MOB1A: variants seen among roughly 807,000 people sequenced by gnomAD.
The protein encoded by MOB1A is MOB1 Mps One Binder homolog A.
In MOB1A, 10 loss-of-function variants were observed where a neutral mutation model predicts 25.1. That is an observed-to-expected ratio of 0.40 (90% CI 0.25 to 0.68). The LOEUF is 0.68. MOB1A is among the 30% of genes least tolerant of loss of function. The pLI is 0.40. For missense variants in MOB1A, 177 were observed against 256.3 expected (o/e 0.69, Z 2.11); for synonymous variants, 81 against 79.5 (o/e 1.02, Z -0.10).
intron 2 of MOB1A, among the ~76,000 whole-genome samples, chr2:74,171,708 G>A (rs1693298426): frequency 1.3e-5 from 2 of 152,278 alleles, no homozygotes; most frequent in African/African-American, 4.8e-5. Flanking sequence ...TTCAAGACCA[G>A]CCTGGGCAAC....
chr2:74,167,461 G>C (rs1286169227), intron 2 of MOB1A, among the ~76,000 whole-genome samples: 1 of 152,148 alleles, frequency 6.6e-6, no homozygotes, highest in African/African-American at 2.4e-5. Flanking sequence ...ATGTTGGCCA[G>C]GCTGGTCTTG....
chr2:74,158,610 C>G (rs575313290), intron 5 of MOB1A, among the ~76,000 whole-genome samples: 2 of 152,064 alleles, frequency 1.3e-5, no homozygotes, highest in East Asian at 1.9e-4. Context: ...GAAACCCCGT[C>G]TCTACTAAAA....
chr2:74,174,509 G>A (rs566082821), intron 1 of MOB1A, among the ~76,000 whole-genome samples: 6 of 152,168 alleles, frequency 3.9e-5, no homozygotes, highest in African/African-American at 1.2e-4. Context: ...TATTTGAGAC[G>A]CCTTGAAAGC....
chr2:74,165,254 G>T lies in MOB1A; in HGVS notation c.373C>A (p.Gln125Lys). Residue 125 changes from glutamine to lysine, a missense_variant, in exon 4 of 6, where the codon CAG becomes AAG. By Grantham distance (53) the Gln-to-Lys change is moderately conservative. Transcript: ENST00000396049. ...IDYLMTWVQDQLDDETLFPSK... is the reference protein window; with the variant it reads ...IDYLMTWVQDKLDDETLFPSK... ...GGAAAAAGAGTTTCATCATCAAGCT[G>T]ATCTTGAACCCAAGTCATCAAATAG... 6.4e-7 allele frequency: 1 copy of T among 1,567,084 alleles called. No homozygotes were observed.
intron 2 of MOB1A, 71 bp downstream of exon 2, chr2:74,172,514 AG>A: frequency 7.0e-7 from 1 of 1,438,496 alleles, no homozygotes; most frequent in Non-Finnish European, 9.5e-7. Context: ...TAACTGTAAA[AG>A]AAAATTCATT....
chr2:74,159,346 C>G (rs2103693500), intron 4 of MOB1A, 92 bp from the exon 5 acceptor site: 1 of 1,160,876 alleles, frequency 8.6e-7, no homozygotes, highest in East Asian at 2.5e-5. Context: ...GTCACTCAGG[C>G]AGTGGTGCAA....
chr2:74,178,861 C>T lies in MOB1A; in HGVS notation c.-187G>A, dbSNP rs1056433633. 1.0e-5 allele frequency: 4 copies of T among 388,786 alleles called. No individual in the cohort carries two copies. Among genetic ancestry groups the T allele is most frequent in the Non-Finnish European group, 1.8e-5 (4 of 221,272 alleles). The allele number at this position is 388,786 out of a possible 1,614,324, so 24.1% of individuals were successfully genotyped here. A position where few individuals can be genotyped will look rare whatever the true frequency, so the allele number is the denominator to read the frequency against. ...CGGCGCCCGCCTTGCCCGCCTACCC[C>T]ACCTCGCAGACCCGAAATGCGGAAC... On this transcript the variant is annotated 5_prime_UTR_variant, in exon 1 of 6. Coordinates refer to ENST00000396049, the MANE Select transcript of MOB1A (RefSeq NM_018221.5).
intron 3 of MOB1A, among the ~76,000 whole-genome samples, chr2:74,165,820 G>C (rs1693114656): frequency 6.6e-6 from 1 of 152,194 alleles, no homozygotes; most frequent in Admixed American, 6.6e-5. Context: ...TGCCGAGCTA[G>C]AAGGATTAAC....
chr2:74,173,181 G>C (rs370667015), intron 1 of MOB1A: 9 of 517,768 alleles, frequency 1.7e-5, no homozygotes, highest in Non-Finnish European at 2.3e-5. Context: ...ATAGGAAGAT[G>C]ATGATCACAA....
chr2:74,158,332 C>T (rs958518034), intron 5 of MOB1A, among the ~76,000 whole-genome samples: 1 of 151,942 alleles, frequency 6.6e-6, no homozygotes, highest in African/African-American at 2.4e-5. Context: ...CTATAATACA[C>T]AGTATCTACT....
chr2:74,163,401 C>A (rs1297194680), intron 4 of MOB1A, among the ~76,000 whole-genome samples: 1 of 152,096 alleles, frequency 6.6e-6, no homozygotes, highest in Non-Finnish European at 1.5e-5. Context: ...TTTTGGAAGG[C>A]CAAGGAAGGA....
Position 74,178,826 on chromosome 2 carries a change from T to A in MOB1A, c.-152A>T. 1 of 442,266 alleles carries A rather than the reference T, an allele frequency of 2.3e-6. No individual in the cohort carries two copies. The highest frequency in any genetic ancestry group is 3.7e-6 in the Non-Finnish European group (1 of 267,408). The allele number at this position is 442,266 out of a possible 1,614,324, so 27.4% of individuals were successfully genotyped here. ...CCGGGTTTCTGGCCGCTGCGAGCCT[T>A]TGCAAACCTCGGCGCCCGCCTTGCC... On this transcript the variant is annotated 5_prime_UTR_variant, in exon 1 of 6. Transcript: ENST00000396049.
At chr2:74,173,996 C>T (rs1293557698) in intron 1 of MOB1A, among the ~76,000 whole-genome samples, 14 of 144,444 alleles carry the variant, frequency 9.7e-5, no homozygotes, top group African/African-American at 3.4e-4. Context: ...TGGCTAGGTG[C>T]GGTGGCTCAC....
At chr2:74,173,013 G>C (rs1466406719) in intron 1 of MOB1A, among the ~76,000 whole-genome samples, 1 of 152,110 alleles carries the variant, frequency 6.6e-6, no homozygotes, top group Non-Finnish European at 1.5e-5. Flanking sequence ...GCGCACACCT[G>C]TAGTCCCAGC....
intron 4 of MOB1A, among the ~76,000 whole-genome samples, chr2:74,163,313 T>A (rs1321539156): frequency 6.6e-6 from 1 of 151,830 alleles, no homozygotes; most frequent in Non-Finnish European, 1.5e-5. Context: ...AGAAAAAGAG[T>A]CTGATGGTTA....
rs35382378 is a variant in MOB1A, at chr2:74,173,376, G to GTTTTT, written c.15-629_15-625dup. Reference sequence around the variant, plus strand: ...GAACCTTCTTTTGGCCTCAATTTCGGTTTTTTTTTTTTTTTTTTTTTTGAG... The same window carrying GTTTTT: ...GAACCTTCTTTTGGCCTCAATTTCGGTTTTTTTTTTTTTTTTTTTTTTTTTTTGAG... On this transcript the variant is annotated intron_variant, in intron 1 of 5. Transcript: ENST00000396049. Among the ~76,000 whole-genome samples, 27 of 93,326 alleles carry GTTTTT rather than the reference G, an allele frequency of 2.9e-4. 1 individual carries two copies. The highest frequency in any genetic ancestry group is 7.6e-4 in the Admixed American group (6 of 7,876). 61.2% of individuals were successfully genotyped at this position (93,326 alleles called of 152,430 possible).
At chr2:74,171,303 A>AT (rs1475503942) in intron 2 of MOB1A, among the ~76,000 whole-genome samples, 14 of 151,982 alleles carry the variant, frequency 9.2e-5, no homozygotes, top group African/African-American at 3.4e-4. Flanking sequence ...ATAAAATAAA[A>AT]AAAAAATAAA....
intron 3 of MOB1A, among the ~76,000 whole-genome samples, chr2:74,165,908 T>C (rs1375229054): frequency 6.6e-6 from 1 of 152,208 alleles, no homozygotes; most frequent in Non-Finnish European, 1.5e-5. Context: ...TTTCATTTCT[T>C]TTAAAGCTTG....
intron 1 of MOB1A, among the ~76,000 whole-genome samples, chr2:74,173,618 G>C (rs1693363542): frequency 6.6e-6 from 1 of 150,790 alleles, no homozygotes; most frequent in Non-Finnish European, 1.5e-5. Flanking sequence ...CTGACCTCAA[G>C]TGATACACCC....
Sources: gnomAD v4.1 joint callset for allele counts (sites outside exome capture counted in the v4.1 genomes callset) on GRCh38, gnomAD v4.1.1 for gene constraint, MANE v1.5 for transcripts, NCBI Gene and HGNC (gene_info 2026-07-23, HGNC 2026-07-21) for gene names.